NKAIN2: variants seen among roughly 807,000 people sequenced by gnomAD.
NKAIN2 encodes the protein sodium/potassium-transporting ATPase subunit beta-1-interacting protein 2.
Under a neutral mutation model 32.6 loss-of-function variants are expected in NKAIN2, and 14 were observed. The observed-to-expected ratio is 0.43, with a 90% confidence interval of 0.28 to 0.67. The LOEUF (loss-of-function observed/expected upper bound fraction) is 0.67, where lower values mean the gene tolerates loss of function less well. Ranked by LOEUF, NKAIN2 falls within the 30% of genes least tolerant of loss-of-function variation. The pLI is 0.17. For synonymous variants in NKAIN2, 80 were observed against 87.2 expected (o/e 0.92, Z 0.46); for missense variants, 198 against 258.3 (o/e 0.77, Z 1.60).
chr6:124,562,699 GC>G (rs983339092), intron 3 of NKAIN2, among the ~76,000 whole-genome samples: 1 of 151,882 alleles, frequency 6.6e-6, no homozygotes, highest in Non-Finnish European at 1.5e-5. Flanking sequence ...TTTTTCCAAA[GC>G]AAAAAACTTC....
chr6:124,582,977 C>T (rs1781576773), intron 3 of NKAIN2, among the ~76,000 whole-genome samples: 1 of 151,962 alleles, frequency 6.6e-6, no homozygotes, highest in South Asian at 2.1e-4. Context: ...CCTCAACACA[C>T]TAAAAGACAT....
intron 2 of NKAIN2, among the ~76,000 whole-genome samples, chr6:124,287,104 A>T (rs754380814): frequency 1.3e-5 from 2 of 152,192 alleles, no homozygotes; most frequent in Non-Finnish European, 2.9e-5. Context: ...CTTCCTTTTG[A>T]TACTTAGTAT....
chr6:124,348,951 C>T (rs568493350), intron 2 of NKAIN2, among the ~76,000 whole-genome samples: 99 of 152,314 alleles, frequency 6.5e-4, no homozygotes, highest in African/African-American at 2.2e-3. Flanking sequence ...TTATATCCCA[C>T]ACCTGGCTCG....
At chr6:124,573,325 G>C (rs1338720635) in intron 3 of NKAIN2, among the ~76,000 whole-genome samples, 2 of 152,042 alleles carry the variant, frequency 1.3e-5, no homozygotes, top group Non-Finnish European at 2.9e-5. Context: ...GTGGAACCGA[G>C]AGCTAGAAGA....
chr6:124,159,097 T>A (rs1788139530), intron 1 of NKAIN2, among the ~76,000 whole-genome samples: 1 of 152,186 alleles, frequency 6.6e-6, no homozygotes, highest in Non-Finnish European at 1.5e-5. Flanking sequence ...ACTCAATTAG[T>A]CACTCACTTC....
intron 3 of NKAIN2, among the ~76,000 whole-genome samples, chr6:124,474,153 C>T (rs1376220467): frequency 2.0e-5 from 3 of 151,262 alleles, no homozygotes; most frequent in Admixed American, 6.6e-5. Context: ...CCCAGGCTAG[C>T]GTGCAGTGGT....
intron 1 of NKAIN2, among the ~76,000 whole-genome samples, chr6:124,115,456 A>G (rs182470060): frequency 3.5e-4 from 53 of 152,262 alleles, no homozygotes; most frequent in Non-Finnish European, 2.5e-4. Context: ...TCACATGACT[A>G]TAGTGTTATC....
At chr6:124,706,217 T>C (rs953524025) in intron 4 of NKAIN2, among the ~76,000 whole-genome samples, 6 of 152,240 alleles carry the variant, frequency 3.9e-5, no homozygotes, top group African/African-American at 1.4e-4. Flanking sequence ...TGTCTAAACA[T>C]CTTATGAGTC....
chr6:124,358,183 C>G (rs1472409070), intron 3 of NKAIN2, among the ~76,000 whole-genome samples: 4 of 152,172 alleles, frequency 2.6e-5, no homozygotes, highest in African/African-American at 9.7e-5. Context: ...CATTGTTGGA[C>G]ATCTGGGTTG....
At chr6:123,945,838 G>A (rs1210237303) in intron 1 of NKAIN2, among the ~76,000 whole-genome samples, 2 of 152,042 alleles carry the variant, frequency 1.3e-5, no homozygotes, top group South Asian at 2.1e-4. Flanking sequence ...TATTTAGAAC[G>A]TTTAACCCTG....
intron 1 of NKAIN2, among the ~76,000 whole-genome samples, chr6:123,912,813 G>T (rs750268534): frequency 1.3e-5 from 2 of 152,146 alleles, no homozygotes; most frequent in Non-Finnish European, 2.9e-5. Context: ...TCAGCCTCAG[G>T]TATTCCTTTA....
intron 1 of NKAIN2, among the ~76,000 whole-genome samples, chr6:123,812,209 C>G (rs1467739704): frequency 6.6e-6 from 1 of 152,128 alleles, no homozygotes; most frequent in Non-Finnish European, 1.5e-5. Context: ...ATTAATCTTC[C>G]ATGGAACTAG....
At chr6:124,277,921 A>AT (rs140053421) in intron 1 of NKAIN2, among the ~76,000 whole-genome samples, 7,551 of 152,000 alleles carry the variant, frequency 0.05, 227 homozygotes, top group Admixed American at 0.081. Context: ...TCAAAAGCCC[A>AT]TTTTTTCTCT....
At chr6:123,818,087 G>C (rs572193801) in intron 1 of NKAIN2, among the ~76,000 whole-genome samples, 1 of 152,186 alleles carries the variant, frequency 6.6e-6, no homozygotes, top group South Asian at 2.1e-4. Context: ...TCTTCTCCCA[G>C]ATGCAATATT....
At chr6:124,677,384 T>C (rs1234587707) in intron 4 of NKAIN2, among the ~76,000 whole-genome samples, 1 of 152,214 alleles carries the variant, frequency 6.6e-6, no homozygotes, top group Non-Finnish European at 1.5e-5. Flanking sequence ...ATTTTGTTAA[T>C]TGTTTTCTCT....
intron 3 of NKAIN2, among the ~76,000 whole-genome samples, chr6:124,483,897 C>T (rs983011973): frequency 1.3e-5 from 2 of 152,020 alleles, no homozygotes; most frequent in African/African-American, 4.8e-5. Context: ...AGAAGAAAAA[C>T]ACAACTAAGT....
chr6:124,331,044 C>T (rs74966609), intron 2 of NKAIN2, among the ~76,000 whole-genome samples: 110 of 152,130 alleles, frequency 7.2e-4, no homozygotes, highest in African/African-American at 2.4e-3. Context: ...AGGTTGGGAC[C>T]GCTGCCCTAC....
At chr6:124,182,881 G>T (rs1280366912) in intron 1 of NKAIN2, among the ~76,000 whole-genome samples, 1 of 152,094 alleles carries the variant, frequency 6.6e-6, no homozygotes, top group Non-Finnish European at 1.5e-5. Flanking sequence ...CTGAAAATAT[G>T]CCCTATGTTC....
intron 1 of NKAIN2, among the ~76,000 whole-genome samples, chr6:124,278,650 C>CATTATATATATATAT (rs1317788062): frequency 1.4e-5 from 1 of 68,994 alleles, no homozygotes; most frequent in African/African-American, 4.6e-5. Context: ...ATACATAGCT[C>CATTATATATATATAT]ATATATATAT....
Sources: gnomAD v4.1 joint callset for allele counts (sites outside exome capture counted in the v4.1 genomes callset) on GRCh38, gnomAD v4.1.1 for gene constraint, MANE v1.5 for transcripts, NCBI Gene and HGNC (gene_info 2026-07-23, HGNC 2026-07-21) for gene names.